SEZ6L: variants seen among roughly 807,000 people sequenced by gnomAD.
SEZ6L encodes the protein seizure related 6 homolog like.
A neutral mutation model predicts 106.2 loss-of-function variants in SEZ6L; 37 were observed. The ratio of observed to expected loss-of-function variants is 0.35; its 90% CI spans 0.27 to 0.46. The LOEUF (loss-of-function observed/expected upper bound fraction) is 0.46. SEZ6L is among the 20% of genes least tolerant of loss of function. SEZ6L has a pLI of 1.00. For missense variants in SEZ6L, 1,172 were observed against 1,332.8 expected, an observed-to-expected ratio of 0.88 and a Z score of 1.88; for synonymous variants, 541 against 570.4, an observed-to-expected ratio of 0.95 and a Z score of 0.73.
intron 1 of SEZ6L, among the ~76,000 whole-genome samples, chr22:26,175,941 G>C (rs1938970467): frequency 6.6e-6 from 1 of 152,212 alleles, no homozygotes; most frequent in South Asian, 2.1e-4. Context: ...ATCAGTCCTT[G>C]AGGAAGTAAG....
chr22:26,216,623 T>C (rs1602059155), intron 1 of SEZ6L, among the ~76,000 whole-genome samples: 1 of 151,866 alleles, frequency 6.6e-6, no homozygotes, highest in East Asian at 1.9e-4. Flanking sequence ...GCCATTGCAC[T>C]CCAGCCTTGG....
At chr22:26,351,667 C>T (rs1190576228) in intron 12 of SEZ6L, among the ~76,000 whole-genome samples, 2 of 152,156 alleles carry the variant, frequency 1.3e-5, no homozygotes, top group Non-Finnish European at 1.5e-5. Context: ...ATGCCTCAGC[C>T]TCCCGAGTAG....
chr22:26,219,321 C>CA (rs1290577176), intron 1 of SEZ6L, among the ~76,000 whole-genome samples: 5 of 147,398 alleles, frequency 3.4e-5, no homozygotes, highest in Non-Finnish European at 7.4e-5. Context: ...AACAACCCCA[C>CA]AATGACAAAA....
At chr22:26,236,583 G>T (rs1293522341) in intron 1 of SEZ6L, among the ~76,000 whole-genome samples, 3 of 140,200 alleles carry the variant, frequency 2.1e-5, no homozygotes, top group African/African-American at 7.8e-5. Context: ...CCTTCAAAAA[G>T]TTGGTTATAG....
At chr22:26,369,341 C>CTTTTTTTTTTTTTTTTTTTTTTT (rs199641007) in intron 13 of SEZ6L, among the ~76,000 whole-genome samples, 4,211 of 103,004 alleles carry the variant, frequency 0.041, 1,041 homozygotes, top group South Asian at 0.062. Context: ...ATAAGCAGTT[C>CTTTTTTTTTTTTTTTTTTTTTTT]TTTTGTTTTT....
At chr22:26,317,817 C>G (rs2082047251) in intron 9 of SEZ6L, among the ~76,000 whole-genome samples, 1 of 151,956 alleles carries the variant, frequency 6.6e-6, no homozygotes, top group African/African-American at 2.4e-5. Context: ...TCCTCCCTGC[C>G]CTGATACTCC....
chr22:26,271,879 A>G (rs2080381527), intron 1 of SEZ6L, among the ~76,000 whole-genome samples: 1 of 152,226 alleles, frequency 6.6e-6, no homozygotes, highest in Non-Finnish European at 1.5e-5. Flanking sequence ...ACTATTCGTA[A>G]TAATAACTGT....
intron 1 of SEZ6L, among the ~76,000 whole-genome samples, chr22:26,207,002 A>AT (rs1784302491): frequency 6.6e-6 from 1 of 152,182 alleles, no homozygotes; most frequent in South Asian, 2.1e-4. Flanking sequence ...GACAACGCTT[A>AT]TTTTCTTCTT....
intron 15 of SEZ6L, among the ~76,000 whole-genome samples, chr22:26,376,571 G>A (rs949704827): frequency 2.6e-5 from 4 of 151,954 alleles, no homozygotes; most frequent in South Asian, 2.1e-4. Context: ...GTGGAACCCC[G>A]TCTCTACTAA....
chr22:26,174,424 A>G (rs1938837579), intron 1 of SEZ6L, among the ~76,000 whole-genome samples: 2 of 152,204 alleles, frequency 1.3e-5, no homozygotes, highest in African/African-American at 4.8e-5. Context: ...CGCTCAAAAA[A>G]AAGATAATCT....
chr22:26,309,780 T>C (rs1191719530), intron 6 of SEZ6L, among the ~76,000 whole-genome samples: 1 of 152,184 alleles, frequency 6.6e-6, no homozygotes, highest in Non-Finnish European at 1.5e-5. Context: ...GGTTTCACCA[T>C]GTTGGCCAGG....
At chr22:26,185,750 G>C (rs1939732534) in intron 1 of SEZ6L, among the ~76,000 whole-genome samples, 1 of 152,094 alleles carries the variant, frequency 6.6e-6, no homozygotes, top group Non-Finnish European at 1.5e-5. Flanking sequence ...GAGACCAGTG[G>C]GGTGGGGCCT....
intron 4 of SEZ6L, among the ~76,000 whole-genome samples, chr22:26,298,040 G>A (rs1309867203): frequency 2.0e-5 from 3 of 152,092 alleles, no homozygotes; most frequent in Non-Finnish European, 4.4e-5. Flanking sequence ...ATATCAAATT[G>A]TCCAGACATT....
chr22:26,315,626 G>T (rs1850637156), intron 9 of SEZ6L, among the ~76,000 whole-genome samples: 1 of 151,902 alleles, frequency 6.6e-6, no homozygotes, highest in African/African-American at 2.4e-5. Context: ...ATGTGACTTT[G>T]GGCTGGGCTC....
chr22:26,187,169 A>T (rs1207802017), intron 1 of SEZ6L, among the ~76,000 whole-genome samples: 1 of 152,196 alleles, frequency 6.6e-6, no homozygotes, highest in East Asian at 1.9e-4. Flanking sequence ...GGCTGGGAAG[A>T]CCTCAGAAAA....
At chr22:26,246,053 C>T (rs2079330172) in intron 1 of SEZ6L, among the ~76,000 whole-genome samples, 1 of 152,162 alleles carries the variant, frequency 6.6e-6, no homozygotes, top group South Asian at 2.1e-4. Context: ...ATGCTGTATT[C>T]TACACATATC....
At chr22:26,274,907 A>C (rs566982716) in intron 1 of SEZ6L, among the ~76,000 whole-genome samples, 2 of 152,364 alleles carry the variant, frequency 1.3e-5, no homozygotes, top group East Asian at 3.9e-4. Flanking sequence ...GTTAGTCTCC[A>C]GCCTCTCCAG....
chr22:26,216,112 AG>A (rs2078291491), intron 1 of SEZ6L, among the ~76,000 whole-genome samples: 1 of 151,922 alleles, frequency 6.6e-6, no homozygotes. Context: ...ACAGAAGCAA[AG>A]CCCAGAGAGG....
intron 1 of SEZ6L, among the ~76,000 whole-genome samples, chr22:26,220,740 T>C (rs926731844): frequency 6.6e-6 from 1 of 152,168 alleles, no homozygotes; most frequent in African/African-American, 2.4e-5. Flanking sequence ...AGCTCATCCA[T>C]GACAGGGGCC....
Sources: allele counts gnomAD v4.1 joint callset (sites outside exome capture counted in the v4.1 genomes callset), GRCh38; gene constraint gnomAD v4.1.1; transcripts MANE v1.5; gene names NCBI Gene and HGNC (gene_info 2026-07-23, HGNC 2026-07-21).